IL17REL: variants seen among roughly 807,000 people sequenced by gnomAD.
The protein encoded by IL17REL is interleukin 17 receptor E like.
Under a neutral mutation model 49.0 loss-of-function variants are expected in IL17REL, and 36 were observed. The ratio of observed to expected loss-of-function variants is 0.73; its 90% CI spans 0.56 to 0.97. The LOEUF is 0.97. Among genes scored for constraint, IL17REL ranks in the 50% least tolerant of loss-of-function variants. The probability of loss-of-function intolerance (pLI) is 0.00; values close to 1 mark genes in which losing one functional copy is unlikely to be tolerated. For synonymous variants in IL17REL, 206 were observed against 192.4 expected, an observed-to-expected ratio of 1.07 and a Z score of -0.58; for missense variants, 470 against 453.9, an observed-to-expected ratio of 1.04 and a Z score of -0.32.
exon 2 of IL17REL, chr22:50,001,126 C>T: frequency 6.2e-7 from 1 of 1,604,842 alleles, no homozygotes; most frequent in Non-Finnish European, 8.5e-7. Flanking sequence ...CATCGCGCAG[C>T]CGTCAGAGGG....
Position 49,999,810 on chromosome 22 carries a change from C to A in IL17REL, c.474+18G>T. On this transcript the variant is annotated intron_variant, in intron 5 of 12. Transcript: ENST00000341280. The stretch of plus-strand genomic sequence containing the variant: ...GCGGGGCCTAAGGCTGACCGGGGCC[C>A]GGGGCGCGGGCGCTCACTCGCACAG... 6.7e-7 allele frequency: 1 copy of A among 1,488,512 alleles called. No homozygotes were observed. The highest frequency in any genetic ancestry group is 8.9e-7 in the Non-Finnish European group (1 of 1,118,080). The allele number at this position is 1,488,512 out of a possible 1,614,324, so 92.2% of individuals were successfully genotyped here.
intron 7 of IL17REL, among the ~76,000 whole-genome samples, chr22:49,998,911 G>A (rs181261625): frequency 2.0e-5 from 3 of 152,114 alleles, no homozygotes; most frequent in Admixed American, 2.0e-4. Context: ...GTATGGGCGT[G>A]TATGTTCATG....
At chr22:50,000,938 T>C in intron 2 of IL17REL, 75 bp from the exon 4 acceptor site, 1 of 1,312,828 alleles carries the variant, frequency 7.6e-7, no homozygotes, top group Non-Finnish European at 1.0e-6. Flanking sequence ...CGTGGGACCC[T>C]GTTCCTCTGC....
upstream of IL17REL, among the ~76,000 whole-genome samples, chr22:50,010,514 C>A (rs996637969): frequency 6.6e-6 from 1 of 152,246 alleles, no homozygotes; most frequent in African/African-American, 2.4e-5. Context: ...CCGCCAGGTG[C>A]CCTGAAGCCC....
At chr22:49,999,302 G>A (rs758298700) in exon 7 of IL17REL, 3 of 1,613,004 alleles carry the variant, frequency 1.9e-6, no homozygotes, top group Non-Finnish European at 2.5e-6. Flanking sequence ...GTTTTCAAAG[G>A]GGCAGATCTG....
chr22:50,010,242 C>T (rs2061132034), upstream of IL17REL, among the ~76,000 whole-genome samples: 1 of 152,264 alleles, frequency 6.6e-6, no homozygotes, highest in East Asian at 1.9e-4. Flanking sequence ...GGCCTCGGCC[C>T]CTGGTGGGGA....
intron 4 of IL17REL, 108 bp downstream of exon 5, chr22:50,000,370 G>A: frequency 1.2e-6 from 1 of 807,120 alleles, no homozygotes; most frequent in Admixed American, 2.2e-5. Context: ...GGTCTTGCGG[G>A]GATCTGTCCA....
At chr22:50,000,367 CG>C (rs1307345943) in intron 4 of IL17REL, 110 bp downstream of exon 5, 2 of 796,856 alleles carry the variant, frequency 2.5e-6, no homozygotes, top group African/African-American at 3.4e-5. Flanking sequence ...AGAGGTCTTG[CG>C]GGGATCTGTC....
upstream of IL17REL, among the ~76,000 whole-genome samples, chr22:50,011,828 T>TC (rs139642762): frequency 1.2e-3 from 185 of 152,242 alleles, 1 homozygote; most frequent in African/African-American, 4.2e-3. Context: ...CTGCTGGATG[T>TC]CCCCGCAAGT....
exon 13 of IL17REL, chr22:49,995,048 G>A (rs1017361642): frequency 4.6e-5 from 7 of 152,448 alleles, no homozygotes; most frequent in African/African-American, 1.7e-4. Flanking sequence ...GAGTGGGGCG[G>A]GTGCCCCAGT....
chr22:49,998,725 A>G (rs1441257270), intron 7 of IL17REL, among the ~76,000 whole-genome samples: 1 of 142,980 alleles, frequency 7.0e-6, no homozygotes, highest in Non-Finnish European at 1.5e-5. Flanking sequence ...ACGTGTTTGC[A>G]TGTGTATGGG....
chr22:50,011,524 A>G (rs925394786), upstream of IL17REL, among the ~76,000 whole-genome samples: 8 of 151,756 alleles, frequency 5.3e-5, no homozygotes, highest in South Asian at 1.7e-3. Context: ...GCAAAAGTCG[A>G]TTCTGAGGTC....
intron 10 of IL17REL, chr22:49,997,467 G>A (rs375331417): frequency 9.9e-5 from 154 of 1,558,854 alleles, no homozygotes; most frequent in Non-Finnish European, 1.2e-4. Context: ...GCGAAGGCTG[G>A]ATGGTCATTT....
chr22:49,999,456 T>C (rs2061060643), exon 6 of IL17REL: 1 of 1,592,492 alleles, frequency 6.3e-7, no homozygotes, highest in Non-Finnish European at 8.6e-7. Flanking sequence ...CGGCAGCTCC[T>C]GGCTGTAGGG....
At chr22:50,002,645 C>T (rs2061085981) in intron 1 of IL17REL, among the ~76,000 whole-genome samples, 1 of 152,128 alleles carries the variant, frequency 6.6e-6, no homozygotes, top group African/African-American at 2.4e-5. Flanking sequence ...CAGGCACGCA[C>T]CACCACGCCC....
At chr22:49,992,038 A>C (rs1321071609), downstream of IL17REL, among the ~76,000 whole-genome samples, 2 of 152,236 alleles carry the variant, frequency 1.3e-5, no homozygotes, top group African/African-American at 2.4e-5. Flanking sequence ...GATAAGAGAC[A>C]AACAGTTGCA....
intron 5 of IL17REL, 122 bp downstream of exon 7, chr22:49,999,705 CG>C: frequency 5.7e-6 from 2 of 349,880 alleles, no homozygotes; most frequent in African/African-American, 6.6e-5. Context: ...TAGGCCTGGC[CG>C]GGGGCGGGGC....
chr22:50,005,639 T>TA (rs1366410495), intron 1 of IL17REL, among the ~76,000 whole-genome samples: 3 of 151,900 alleles, frequency 2.0e-5, no homozygotes, highest in African/African-American at 7.3e-5. Context: ...CCGTCTCTGC[T>TA]AAAAATACAA....
intron 1 of IL17REL, among the ~76,000 whole-genome samples, chr22:50,004,859 A>AG (rs2061100096): frequency 6.6e-6 from 1 of 151,478 alleles, no homozygotes; most frequent in African/African-American, 2.4e-5. Context: ...CTCAAAAAAA[A>AG]AAAGACAACC....
Sources: allele counts gnomAD v4.1 joint callset (sites outside exome capture counted in the v4.1 genomes callset), GRCh38; gene constraint gnomAD v4.1.1; transcripts MANE v1.5; gene names NCBI Gene and HGNC (gene_info 2026-07-23, HGNC 2026-07-21).